ERGIC1: variants seen among roughly 807,000 people sequenced by gnomAD.
ERGIC1 encodes the protein endoplasmic reticulum-Golgi intermediate compartment protein 1.
In ERGIC1, 19 loss-of-function variants were observed where a neutral mutation model predicts 38.3. That is an observed-to-expected ratio of 0.50 (90% CI 0.35 to 0.73). ERGIC1 has a LOEUF of 0.73. ERGIC1 is among the 30% of genes least tolerant of loss of function. The pLI, the probability that ERGIC1 is intolerant of heterozygous loss-of-function variation, is 0.01. For missense variants in ERGIC1, 294 were observed against 389.2 expected (o/e 0.76, Z 2.06); for synonymous variants, 124 against 157.6 (o/e 0.79, Z 1.60).
At chr5:172,848,169 G>A (rs1053000242) in intron 1 of ERGIC1, among the ~76,000 whole-genome samples, 3 of 152,226 alleles carry the variant, frequency 2.0e-5, no homozygotes, top group Non-Finnish European at 4.4e-5. Context: ...CACCAGGGAA[G>A]TAGGGTTCAT....
chr5:172,906,960 T>C (rs950012874), intron 3 of ERGIC1, among the ~76,000 whole-genome samples: 18 of 152,216 alleles, frequency 1.2e-4, no homozygotes, highest in African/African-American at 4.1e-4. Flanking sequence ...CTGCTGGTCC[T>C]GTTCCTCTTC....
intron 3 of ERGIC1, among the ~76,000 whole-genome samples, chr5:172,901,493 C>T (rs988992781): frequency 7.9e-5 from 12 of 152,216 alleles, no homozygotes; most frequent in African/African-American, 2.9e-4. Flanking sequence ...TGGAACTCTC[C>T]ACTGATAGTT....
At chr5:172,861,151 G>C (rs1227518649) in intron 1 of ERGIC1, among the ~76,000 whole-genome samples, 2 of 152,172 alleles carry the variant, frequency 1.3e-5, no homozygotes, top group Admixed American at 6.5e-5. Flanking sequence ...GCCAGCCGCA[G>C]TGGCCACCGC....
intron 1 of ERGIC1, among the ~76,000 whole-genome samples, chr5:172,835,055 G>T (rs1348404338): frequency 1.3e-5 from 2 of 152,246 alleles, no homozygotes; most frequent in Non-Finnish European, 2.9e-5. Context: ...GGCCACCGGG[G>T]TCTGGCCTTG....
In ERGIC1 at chr5:172,888,803, C is replaced by G. The variant is rs1056699572; in HGVS notation, c.82+43C>G. On this transcript the variant is annotated intron_variant, in intron 2 of 9. Transcript: ENST00000393784. ...GGCCATGCCCTCTGCCCCATCTCCA[C>G]TGCCTGTGCCTGCTCTCTCTGTGCA... 8 of 1,493,630 alleles carry G rather than the reference C, an allele frequency of 5.4e-6. No homozygotes were observed. The East Asian group carries it at 9.0e-5, about 17-fold the overall frequency. 92.5% of individuals were successfully genotyped at this position (1,493,630 alleles called of 1,614,324 possible).
At chr5:172,874,635 GAA>G (rs931215236) in intron 1 of ERGIC1, among the ~76,000 whole-genome samples, 20 of 152,076 alleles carry the variant, frequency 1.3e-4, no homozygotes, top group African/African-American at 4.6e-4. Flanking sequence ...TGAGAAGAAA[GAA>G]GAGGGCAGAG....
chr5:172,934,453 T>C (rs1408188939), intron 8 of ERGIC1: 1 of 152,816 alleles, frequency 6.5e-6, no homozygotes, highest in Non-Finnish European at 1.5e-5. Context: ...CTCAGGAAGG[T>C]TGGTGGCAGG....
intron 3 of ERGIC1, among the ~76,000 whole-genome samples, chr5:172,901,723 G>A (rs191482746): frequency 4.9e-4 from 75 of 152,110 alleles, no homozygotes; most frequent in African/African-American, 1.8e-3. Context: ...TCAGCCTCCC[G>A]AGTGGCTGGG....
intron 1 of ERGIC1, among the ~76,000 whole-genome samples, chr5:172,881,036 G>T (rs1762269223): frequency 6.6e-6 from 1 of 152,168 alleles, no homozygotes; most frequent in African/African-American, 2.4e-5. Context: ...ATCACCTGAG[G>T]TTGGGAGTTC....
intron 3 of ERGIC1, chr5:172,906,100 C>T: frequency 2.2e-6 from 1 of 456,208 alleles, no homozygotes; most frequent in South Asian, 1.5e-5. Context: ...TCCTGGGCTC[C>T]TGTTTGCCTC....
At chr5:172,882,306 T>C (rs1270918917) in intron 1 of ERGIC1, among the ~76,000 whole-genome samples, 1 of 152,214 alleles carries the variant, frequency 6.6e-6, no homozygotes, top group Admixed American at 6.5e-5. Context: ...CTGCCTGGTA[T>C]ATTAGGTGCT....
At chr5:172,893,783 GTGGAAC>G (rs1762627296) in intron 2 of ERGIC1, among the ~76,000 whole-genome samples, 1 of 148,850 alleles carries the variant, frequency 6.7e-6, no homozygotes, top group Non-Finnish European at 1.5e-5. Flanking sequence ...GTAAACTGAT[GTGGAAC>G]CTGTTTCGAC....
In ERGIC1 at chr5:172,892,074, T is replaced by G. The variant is rs546706442; in HGVS notation, c.82+3314T>G. ...GGTTAAAGAGTATGTTTTTTTTTTT[T>G]TTTTTTTTTTTTGAAACTTACAAGG... On this transcript the variant is annotated intron_variant, in intron 2 of 9. Transcript: ENST00000393784. 1.5e-3 allele frequency among the ~76,000 whole-genome samples: 230 copies of G among 149,806 alleles called. 2 individuals are homozygous for G. The highest frequency in any genetic ancestry group is 5.4e-3 in the African/African-American group (220 of 40,744).
chr5:172,877,412 G>A (rs1382481983), intron 1 of ERGIC1, among the ~76,000 whole-genome samples: 24 of 21,834 alleles, frequency 1.1e-3, no homozygotes, highest in East Asian at 3.3e-3. Context: ...TTATATATAT[G>A]TGTGTGTGTG....
Position 172,926,396 on chromosome 5 carries a change from A to ACACATTGGTAGGGTTCCTAGACCAG in ERGIC1, c.481-112_481-88dup. 8.7e-7 allele frequency: 1 copy of ACACATTGGTAGGGTTCCTAGACCAG among 1,146,062 alleles called. No individual in the cohort carries two copies. Among genetic ancestry groups the ACACATTGGTAGGGTTCCTAGACCAG allele is most frequent in the Non-Finnish European group, 1.3e-6 (1 of 772,182 alleles). The allele number at this position is 1,146,062 out of a possible 1,614,324, so 71.0% of individuals were successfully genotyped here. A position where few individuals can be genotyped will look rare whatever the true frequency, so the allele number is the denominator to read the frequency against. On this transcript the variant is annotated intron_variant, in intron 6 of 9. Coordinates refer to ENST00000393784, the MANE Select transcript of ERGIC1 (RefSeq NM_001031711.3). This position sits in a 1 kb window ranked among gnomAD's most constrained non-coding sequence, Gnocchi z 5.2. ...CACAAATCCGCTGGAGCCCCCTTTT[A>ACACATTGGTAGGGTTCCTAGACCAG]CACATTGGTAGGGTTCCTAGACCAG...
chr5:172,931,872 T>C (rs1763783225), intron 7 of ERGIC1, among the ~76,000 whole-genome samples: 1 of 148,762 alleles, frequency 6.7e-6, no homozygotes, highest in South Asian at 2.1e-4. Context: ...TTTTTTTTTT[T>C]TTTTGAGACA....
intron 9 of ERGIC1, chr5:172,936,935 G>A (rs1189878541): frequency 6.6e-6 from 1 of 152,136 alleles, no homozygotes; most frequent in East Asian, 1.9e-4. Flanking sequence ...GGATTTTAAG[G>A]TTAGAGTGAG....
intron 1 of ERGIC1, among the ~76,000 whole-genome samples, chr5:172,847,968 T>A (rs1242497785): frequency 1.4e-4 from 22 of 152,248 alleles, no homozygotes; most frequent in Admixed American, 1.4e-3. Flanking sequence ...TGTTTGGTTC[T>A]CACGAGCATC....
At chr5:172,859,052 G>A (rs761528506) in intron 1 of ERGIC1, among the ~76,000 whole-genome samples, 5 of 152,176 alleles carry the variant, frequency 3.3e-5, no homozygotes, top group African/African-American at 4.8e-5. Flanking sequence ...GGTCTGGGTC[G>A]TCATCGGCGC....
Sources: gnomAD v4.1 joint callset for allele counts (sites outside exome capture counted in the v4.1 genomes callset) on GRCh38, gnomAD v4.1.1 for gene constraint, Gnocchi (gnomAD v3.1) non-coding constraint, MANE v1.5 for transcripts, NCBI Gene and HGNC (gene_info 2026-07-23, HGNC 2026-07-21) for gene names.